The following MICU2 variants were observed in gnomAD, a reference collection of about 807,000 sequenced individuals.
MICU2 encodes mitochondrial calcium uptake 2.
Under a neutral mutation model 60.4 loss-of-function variants are expected in MICU2, and 64 were observed. The observed-to-expected ratio is 1.06, with a 90% CI of 0.87 to 1.31. MICU2 has a LOEUF of 1.31. Among genes scored for constraint, MICU2 ranks in the 50% most tolerant of loss-of-function variants. MICU2 has a pLI of 0.00. For synonymous variants in MICU2, 201 were observed against 175.0 expected, an observed-to-expected ratio of 1.15 and a Z score of -1.17; for missense variants, 569 against 531.0, an observed-to-expected ratio of 1.07 and a Z score of -0.70.
chr13:21,550,026 G>A (rs960155728), intron 2 of MICU2, among the ~76,000 whole-genome samples: 1 of 152,120 alleles, frequency 6.6e-6, no homozygotes, highest in African/African-American at 2.4e-5. Context: ...AAAGGGTAGG[G>A]CTAGCACTGT....
intron 6 of MICU2, among the ~76,000 whole-genome samples, 199 bp downstream of exon 6, chr13:21,521,046 G>A: frequency 6.6e-6 from 1 of 151,714 alleles, no homozygotes; most frequent in East Asian, 1.9e-4. Flanking sequence ...TTCTCTTTTT[G>A]GAATCTTATG....
intron 4 of MICU2, among the ~76,000 whole-genome samples, chr13:21,537,133 T>TA (rs1386600817): frequency 6.6e-6 from 1 of 152,208 alleles, no homozygotes; most frequent in Non-Finnish European, 1.5e-5. Flanking sequence ...ACTTTCTTTT[T>TA]AAATTTTTCT....
chr13:21,593,248 A>G (rs920494238), intron 1 of MICU2, among the ~76,000 whole-genome samples: 2 of 152,150 alleles, frequency 1.3e-5, no homozygotes, highest in African/African-American at 4.8e-5. Context: ...ATCATGAGTG[A>G]ACTCCCATTC....
At chr13:21,542,738 C>T (rs566014647) in intron 2 of MICU2, among the ~76,000 whole-genome samples, 3 of 152,232 alleles carry the variant, frequency 2.0e-5, no homozygotes, top group African/African-American at 7.2e-5. Context: ...GGATTCCACC[C>T]ATATTAGAGA....
At chr13:21,594,134 T>C (rs1329939106) in intron 1 of MICU2, among the ~76,000 whole-genome samples, 1 of 152,218 alleles carries the variant, frequency 6.6e-6, no homozygotes, top group Non-Finnish European at 1.5e-5. Flanking sequence ...TCTACCCATC[T>C]GACAAAGGTC....
chr13:21,497,203 A>G lies in MICU2; in HGVS notation c.934-1043T>C, dbSNP rs192215694. On this transcript the variant is annotated intron_variant, in intron 9 of 11. Coordinates refer to ENST00000382374, the MANE Select transcript of MICU2 (RefSeq NM_152726.3). ...GTCTGGTCAACATGGTGAAAAAGAA[A>G]AAAAAAAAAAAATTAGCTGGGTGTG... Among the ~76,000 whole-genome samples the G allele has an allele frequency of 2.8e-4, 43 of 151,134 alleles. No homozygotes were observed. The East Asian group carries it at 5.1e-3, about 18-fold the overall frequency.
At chr13:21,565,801 C>A (rs1049924757) in intron 2 of MICU2, among the ~76,000 whole-genome samples, 4 of 152,214 alleles carry the variant, frequency 2.6e-5, no homozygotes, top group African/African-American at 9.6e-5. Context: ...CCATTGCACT[C>A]CAGCCTGGGA....
chr13:21,569,293 A>G (rs1888053875), intron 1 of MICU2, among the ~76,000 whole-genome samples: 1 of 151,898 alleles, frequency 6.6e-6, no homozygotes, highest in Admixed American at 6.6e-5. Flanking sequence ...CCTTCCTGCT[A>G]CTCTATAGTC....
chr13:21,531,330 C>T (rs1192444809), intron 4 of MICU2: 14 of 1,550,552 alleles, frequency 9.0e-6, no homozygotes, highest in Non-Finnish European at 1.2e-5. Context: ...GCAATAACAC[C>T]AACCCGAAAA....
Position 21,569,779 on chromosome 13 carries a change from C to T in MICU2, c.211-2835G>A, listed in dbSNP as rs909276898. 2.0e-5 allele frequency among the ~76,000 whole-genome samples: 3 copies of T among 151,504 alleles called. No homozygotes were observed. In the East Asian group the frequency reaches 5.8e-4, roughly 29 times the overall value. On this transcript the variant is annotated intron_variant, in intron 1 of 11. Transcript: ENST00000382374. Reference sequence around the variant, plus strand: ...ATGTTCTTACTCAGTCTCCACAATGCCCTTAATAGTAGACACCATTTTTGT... The same window carrying T: ...ATGTTCTTACTCAGTCTCCACAATGTCCTTAATAGTAGACACCATTTTTGT...
intron 4 of MICU2, among the ~76,000 whole-genome samples, chr13:21,527,622 G>T (rs1886889537): frequency 6.6e-6 from 1 of 152,180 alleles, no homozygotes; most frequent in African/African-American, 2.4e-5. Flanking sequence ...ATTGACAGGA[G>T]AAACAGCTTA....
chr13:21,545,226 T>C (rs1005214397), intron 2 of MICU2, among the ~76,000 whole-genome samples: 1 of 152,134 alleles, frequency 6.6e-6, no homozygotes, highest in African/African-American at 2.4e-5. Context: ...AATGAAAATG[T>C]GGTATATGCA....
intron 1 of MICU2, among the ~76,000 whole-genome samples, chr13:21,588,057 T>G (rs1394202564): frequency 6.6e-6 from 1 of 152,188 alleles, no homozygotes; most frequent in African/African-American, 2.4e-5. Flanking sequence ...CCAGGAGTCT[T>G]GCCCCCCGAT....
Position 21,493,299 on chromosome 13 carries a change from T to C in MICU2, c.1255A>G (p.Ile419Val), listed in dbSNP as rs761775052. The change falls in exon 12 of 12, where the codon ATT becomes GTT. Residue 419 changes from isoleucine (I) to valine (V), a missense_variant. Coordinates refer to ENST00000382374, the MANE Select transcript of MICU2 (RefSeq NM_152726.3). ...TTCCAGACTTCTTTTACTCCTTTAA[T>C]GCTTTCTTTCTTCACACACTTCCAG... Reference protein sequence around the residue: ...EYWKCVKKESIKGVKEVWKQA... With the variant: ...EYWKCVKKESVKGVKEVWKQA... 4.5e-5 allele frequency: 72 copies of C among 1,611,606 alleles called. No homozygotes were observed. In the Admixed American group the frequency reaches 1.2e-3, roughly 27 times the overall value.
intron 1 of MICU2, among the ~76,000 whole-genome samples, chr13:21,569,257 C>A (rs1175691518): frequency 6.6e-6 from 1 of 152,084 alleles, no homozygotes; most frequent in Non-Finnish European, 1.5e-5. Flanking sequence ...AACATCCCCC[C>A]AATTAATTTT....
chr13:21,594,058 G>A (rs1465463723), intron 1 of MICU2, among the ~76,000 whole-genome samples: 1 of 152,206 alleles, frequency 6.6e-6, no homozygotes, highest in Non-Finnish European at 1.5e-5. Context: ...AAGAGCTTCT[G>A]CACAGCAAAG....
chr13:21,542,832 C>T (rs1887316613), intron 2 of MICU2, among the ~76,000 whole-genome samples: 1 of 152,098 alleles, frequency 6.6e-6, no homozygotes, highest in Non-Finnish European at 1.5e-5. Context: ...GTAAGTGAGC[C>T]TTTTAATACT....
intron 1 of MICU2, among the ~76,000 whole-genome samples, chr13:21,599,195 A>G (rs1814928351): frequency 2.6e-5 from 4 of 152,238 alleles, no homozygotes; most frequent in Admixed American, 2.6e-4. Context: ...CCACTGCCTT[A>G]ACACTTTTAT....
At chr13:21,525,594 T>C (rs1236643495) in intron 4 of MICU2, among the ~76,000 whole-genome samples, 3 of 144,358 alleles carry the variant, frequency 2.1e-5, no homozygotes, top group Non-Finnish European at 4.6e-5. Flanking sequence ...TTGTATTTTC[T>C]TTTTTTTTTT....
Sources: allele counts gnomAD v4.1 joint callset (sites outside exome capture counted in the v4.1 genomes callset), GRCh38; gene constraint gnomAD v4.1.1; transcripts MANE v1.5; gene names NCBI Gene and HGNC (gene_info 2026-07-23, HGNC 2026-07-21).